SHISA9: variants seen among roughly 807,000 people sequenced by gnomAD.
SHISA9 encodes protein shisa-9.
A neutral mutation model predicts 38.0 loss-of-function variants in SHISA9; 13 were observed. The ratio of observed to expected loss-of-function variants is 0.34; its 90% confidence interval spans 0.22 to 0.54. The LOEUF (loss-of-function observed/expected upper bound fraction) is 0.54. Ranked by LOEUF, SHISA9 falls within the 20% of genes least tolerant of loss-of-function variation. The pLI is 0.91. For missense variants in SHISA9, 538 were observed against 575.8 expected (o/e 0.93, Z 0.67); for synonymous variants, 275 against 242.0 (o/e 1.14, Z -1.27).
intron 2 of SHISA9, among the ~76,000 whole-genome samples, chr16:13,188,452 T>C (rs56698258): frequency 0.15 from 22,744 of 152,194 alleles, 1,981 homozygotes; most frequent in Middle Eastern, 0.23. Flanking sequence ...GCACAATGGC[T>C]TATGCCTGTA....
At chr16:13,212,722 A>G (rs555244943) in intron 3 of SHISA9, among the ~76,000 whole-genome samples, 2 of 152,200 alleles carry the variant, frequency 1.3e-5, no homozygotes, top group African/African-American at 4.8e-5. Context: ...GTGGTAAGGT[A>G]GCCCCCACCC....
chr16:13,522,069 T>C, the SHISA9 span, among the ~76,000 whole-genome samples: 1 of 152,204 alleles, frequency 6.6e-6, no homozygotes, highest in Admixed American at 6.5e-5. Flanking sequence ...GAAGTTCGAA[T>C]TCCCCACACT....
intron 2 of SHISA9, among the ~76,000 whole-genome samples, chr16:13,112,866 A>G (rs1164972939): frequency 6.6e-6 from 1 of 152,048 alleles, no homozygotes; most frequent in Non-Finnish European, 1.5e-5. Context: ...GTCACTTAGA[A>G]TTAGGGTCTC....
chr16:13,028,832 T>A (rs761567023), intron 2 of SHISA9, among the ~76,000 whole-genome samples: 1 of 152,190 alleles, frequency 6.6e-6, no homozygotes, highest in Non-Finnish European at 1.5e-5. Context: ...CAGATGGTGG[T>A]GAAATTCTCT....
At chr16:13,295,932 G>A in the SHISA9 span, among the ~76,000 whole-genome samples, 2 of 152,148 alleles carry the variant, frequency 1.3e-5, no homozygotes, top group East Asian at 1.9e-4. Context: ...CATAAGGCAA[G>A]TCCTCGTGGG....
chr16:13,040,888 G>A (rs906560997), intron 2 of SHISA9, among the ~76,000 whole-genome samples: 6 of 152,104 alleles, frequency 3.9e-5, no homozygotes, highest in African/African-American at 1.2e-4. Context: ...CTTTTTCTAG[G>A]ACCAGCCTGA....
intron 2 of SHISA9, among the ~76,000 whole-genome samples, chr16:13,145,341 A>G (rs1319102858): frequency 2.0e-5 from 3 of 152,188 alleles, no homozygotes; most frequent in Admixed American, 2.0e-4. Flanking sequence ...CCTGGTCAAC[A>G]TGGCAAAACC....
the SHISA9 span, among the ~76,000 whole-genome samples, chr16:13,266,965 C>T: frequency 6.6e-5 from 10 of 152,008 alleles, no homozygotes; most frequent in Non-Finnish European, 1.0e-4. Flanking sequence ...ATAAAGCCAA[C>T]GGCTTAAAAT....
chr16:13,139,538 C>T (rs756548566), intron 2 of SHISA9, among the ~76,000 whole-genome samples: 11 of 151,684 alleles, frequency 7.3e-5, no homozygotes, highest in Non-Finnish European at 1.0e-4. Context: ...AGTAGAACCA[C>T]TCCCTTAAGG....
At chr16:13,120,467 A>G (rs1433899591) in intron 2 of SHISA9, among the ~76,000 whole-genome samples, 1 of 152,188 alleles carries the variant, frequency 6.6e-6, no homozygotes, top group Non-Finnish European at 1.5e-5. Flanking sequence ...AAGGTTTCCC[A>G]TGGTCGTATG....
At chr16:13,417,930 G>T in the SHISA9 span, among the ~76,000 whole-genome samples, 4 of 152,208 alleles carry the variant, frequency 2.6e-5, no homozygotes, top group African/African-American at 9.6e-5. Flanking sequence ...AATCTCTTGG[G>T]AAGGTTTATG....
At chr16:12,924,271 A>T (rs1023826012) in intron 2 of SHISA9, among the ~76,000 whole-genome samples, 1 of 152,166 alleles carries the variant, frequency 6.6e-6, no homozygotes, top group African/African-American at 2.4e-5. Flanking sequence ...GTGGGCAGGG[A>T]TGCATTTGCT....
intron 2 of SHISA9, among the ~76,000 whole-genome samples, chr16:13,135,010 C>T (rs1180792148): frequency 6.6e-6 from 1 of 152,170 alleles, no homozygotes; most frequent in African/African-American, 2.4e-5. Context: ...CAATGCGAGT[C>T]ACATGACTCA....
the SHISA9 span, among the ~76,000 whole-genome samples, chr16:13,494,348 T>C: frequency 8.5e-4 from 130 of 152,250 alleles, no homozygotes; most frequent in Non-Finnish European, 1.2e-3. Flanking sequence ...AGGTGAACAA[T>C]TGGGGACACT....
chr16:12,955,547 A>T (rs1365153111), intron 2 of SHISA9, among the ~76,000 whole-genome samples: 1 of 152,032 alleles, frequency 6.6e-6, no homozygotes, highest in African/African-American at 2.4e-5. Context: ...TGGTACTGGT[A>T]CAAAAATAGA....
At chr16:13,335,595 C>T in the SHISA9 span, among the ~76,000 whole-genome samples, 1 of 152,220 alleles carries the variant, frequency 6.6e-6, no homozygotes, top group African/African-American at 2.4e-5. Flanking sequence ...TGTCATTCAG[C>T]TCCATCCTTA....
chr16:13,227,158 G>A (rs576194175), intron 4 of SHISA9, among the ~76,000 whole-genome samples: 33 of 152,230 alleles, frequency 2.2e-4, no homozygotes, highest in South Asian at 8.3e-4. Context: ...TTCTGTTTCT[G>A]ATTGTCTTTC....
At chr16:13,417,148 C>A in the SHISA9 span, among the ~76,000 whole-genome samples, 156 of 152,200 alleles carry the variant, frequency 1.0e-3, 1 homozygote, top group African/African-American at 3.4e-3. Flanking sequence ...CTGGAGAAGA[C>A]GTGGATTGAT....
intron 2 of SHISA9, among the ~76,000 whole-genome samples, chr16:12,943,670 A>G (rs1158066582): frequency 6.6e-6 from 1 of 152,144 alleles, no homozygotes; most frequent in East Asian, 1.9e-4. Flanking sequence ...GAGCTCTGGA[A>G]TGTGCTGGAG....
Sources: gnomAD v4.1 joint callset for allele counts (sites outside exome capture counted in the v4.1 genomes callset) on GRCh38, gnomAD v4.1.1 for gene constraint, MANE v1.5 for transcripts, NCBI Gene and HGNC (gene_info 2026-07-23, HGNC 2026-07-21) for gene names.